AGBL4: variants seen among roughly 807,000 people sequenced by gnomAD.
AGBL4 encodes the protein AGBL carboxypeptidase 4, also known as cytosolic carboxypeptidase 6.
In AGBL4, 58 loss-of-function variants were observed where a neutral mutation model predicts 66.4. The ratio of observed to expected loss-of-function variants is 0.87; its 90% confidence interval spans 0.71 to 1.09. AGBL4 has a LOEUF of 1.09. AGBL4 is among the 50% of genes least tolerant of loss of function. The pLI, the probability that AGBL4 is intolerant of heterozygous loss-of-function variation, is 0.00. For synonymous variants in AGBL4, 234 were observed against 222.9 expected, an observed-to-expected ratio of 1.05 and a Z score of -0.44; for missense variants, 579 against 631.0, an observed-to-expected ratio of 0.92 and a Z score of 0.88.
Position 48,831,681 on chromosome 1 carries a change from G to A in AGBL4, c.634+35510C>T, listed in dbSNP as rs144186664. Among the ~76,000 whole-genome samples, 297 of 152,294 alleles carry A rather than the reference G, an allele frequency of 2.0e-3. 2 individuals are homozygous for A. Among genetic ancestry groups the A allele is most frequent in the African/African-American group, 6.7e-3 (280 of 41,552 alleles). ...TGGGATAGCTGAATTAACTTGAAAGGGCATTTGTGGATTGAGCAAGATTTT... is the reference window on the plus strand; with the variant it reads ...TGGGATAGCTGAATTAACTTGAAAGAGCATTTGTGGATTGAGCAAGATTTT... On this transcript the variant is annotated intron_variant, in intron 6 of 13. Transcript: ENST00000371839.
chr1:49,699,842 A>T (rs1302245966), intron 2 of AGBL4, among the ~76,000 whole-genome samples: 2 of 151,924 alleles, frequency 1.3e-5, no homozygotes, highest in Non-Finnish European at 2.9e-5. Context: ...ATTATAGTTA[A>T]TAATATTATA....
chr1:49,930,511 C>T (rs909054562), intron 1 of AGBL4, among the ~76,000 whole-genome samples: 1 of 152,010 alleles, frequency 6.6e-6, no homozygotes, highest in Non-Finnish European at 1.5e-5. Flanking sequence ...TATTCATGAA[C>T]ATATATGCAA....
intron 11 of AGBL4, among the ~76,000 whole-genome samples, chr1:48,555,543 A>G (rs1644308828): frequency 6.6e-6 from 1 of 152,226 alleles, no homozygotes; most frequent in Non-Finnish European, 1.5e-5. Flanking sequence ...AGGAAGCAAG[A>G]GAAAAATGCA....
intron 5 of AGBL4, among the ~76,000 whole-genome samples, chr1:48,944,969 C>T (rs1656337926): frequency 6.6e-6 from 1 of 152,162 alleles, no homozygotes; most frequent in Admixed American, 6.5e-5. Context: ...CTGATCCAAG[C>T]CATGTGGCTG....
intron 3 of AGBL4, among the ~76,000 whole-genome samples, chr1:49,407,083 A>AG (rs888898511): frequency 1.3e-5 from 2 of 150,802 alleles, no homozygotes; most frequent in African/African-American, 4.9e-5. Context: ...AAAAAAAAAA[A>AG]AAAAAAAAGA....
Position 48,692,930 on chromosome 1 carries a change from T to C in AGBL4, c.635-29689A>G, listed in dbSNP as rs536569898. Among the ~76,000 whole-genome samples, 7 of 152,338 alleles carry C rather than the reference T, an allele frequency of 4.6e-5. No individual in the cohort carries two copies. The East Asian group carries it at 1.3e-3, about 29-fold the overall frequency. On this transcript the variant is annotated intron_variant, in intron 6 of 13. Coordinates refer to ENST00000371839, the MANE Select transcript of AGBL4 (RefSeq NM_032785.4). ...TCTGCCAGGCACTGTTGTAGTTTCT[T>C]ACCTGGATTACTTCATATAATCTTC...
chr1:49,377,217 G>A (rs1644489253), intron 3 of AGBL4, among the ~76,000 whole-genome samples: 1 of 152,064 alleles, frequency 6.6e-6, no homozygotes, highest in South Asian at 2.1e-4. Context: ...ATTTAGAAAT[G>A]AGAGTGACAC....
intron 1 of AGBL4, among the ~76,000 whole-genome samples, chr1:50,005,270 C>T (rs1253935504): frequency 1.3e-5 from 2 of 152,168 alleles, no homozygotes; most frequent in Admixed American, 1.3e-4. Context: ...ACCCCTCCCT[C>T]AGCTCCAGGC....
chr1:49,904,725 A>T (rs1650093623), intron 1 of AGBL4, among the ~76,000 whole-genome samples: 1 of 152,180 alleles, frequency 6.6e-6, no homozygotes, highest in Non-Finnish European at 1.5e-5. Flanking sequence ...GATAAAACTG[A>T]TTTCTTACAG....
At chr1:49,417,716 G>A (rs528311628) in intron 3 of AGBL4, among the ~76,000 whole-genome samples, 2 of 152,168 alleles carry the variant, frequency 1.3e-5, no homozygotes, top group South Asian at 2.1e-4. Context: ...TCATTGGAAT[G>A]ATGTCTTTAG....
At chr1:49,848,803 T>A (rs1267591086) in intron 2 of AGBL4, among the ~76,000 whole-genome samples, 1 of 152,168 alleles carries the variant, frequency 6.6e-6, no homozygotes, top group East Asian at 1.9e-4. Context: ...CCCTTAAATT[T>A]ATTCAAATAA....
intron 3 of AGBL4, among the ~76,000 whole-genome samples, chr1:49,406,765 T>G (rs1645208553): frequency 6.6e-6 from 1 of 152,064 alleles, no homozygotes; most frequent in African/African-American, 2.4e-5. Context: ...ATATGATGTG[T>G]ATATATAAAA....
chr1:49,917,105 C>T (rs528436676), intron 1 of AGBL4, among the ~76,000 whole-genome samples: 2 of 152,154 alleles, frequency 1.3e-5, no homozygotes, highest in Non-Finnish European at 2.9e-5. Flanking sequence ...TGCAAAGGAA[C>T]AACCGGTACC....
At chr1:49,789,866 T>G (rs913753735) in intron 2 of AGBL4, among the ~76,000 whole-genome samples, 1 of 152,288 alleles carries the variant, frequency 6.6e-6, no homozygotes, top group African/African-American at 2.4e-5. Flanking sequence ...AGAGCCCGTA[T>G]AGCCAAGACA....
intron 5 of AGBL4, among the ~76,000 whole-genome samples, chr1:48,879,113 A>G (rs1211741206): frequency 6.6e-6 from 1 of 152,170 alleles, no homozygotes. Context: ...TCTTTGCCAA[A>G]TAAAAGCAAT....
intron 1 of AGBL4, among the ~76,000 whole-genome samples, chr1:49,973,463 A>C (rs1658303003): frequency 6.6e-6 from 1 of 152,046 alleles, no homozygotes; most frequent in Non-Finnish European, 1.5e-5. Context: ...GATCACTTCC[A>C]TAATTGCAGA....
chr1:49,534,717 G>A (rs1422230629), intron 3 of AGBL4, among the ~76,000 whole-genome samples: 1 of 152,196 alleles, frequency 6.6e-6, no homozygotes, highest in Non-Finnish European at 1.5e-5. Flanking sequence ...TCTTGCAAGG[G>A]TTTATGAAGC....
In AGBL4 at chr1:49,714,569, C is replaced by CATATATATATATAT. The variant is rs60965691; in HGVS notation, c.158-17146_158-17133dup. Among the ~76,000 whole-genome samples, 880 of 141,770 alleles carry CATATATATATATAT rather than the reference C, an allele frequency of 6.2e-3. 9 individuals carry two copies. Among genetic ancestry groups the CATATATATATATAT allele is most frequent in the African/African-American group, 0.02 (753 of 36,938 alleles). The allele number at this position is 141,770 out of a possible 152,430, so 93.0% of individuals were successfully genotyped here. ...GTTTGTTATAGTTGAGTAGTATTTA[C>CATATATATATATAT]ATATATATATATATATATATATATA... On this transcript the variant is annotated intron_variant, in intron 2 of 13. Transcript: ENST00000371839.
At chr1:48,749,393 G>T (rs1651297317) in intron 6 of AGBL4, among the ~76,000 whole-genome samples, 1 of 152,138 alleles carries the variant, frequency 6.6e-6, no homozygotes, top group Non-Finnish European at 1.5e-5. Flanking sequence ...CACGTGTTTA[G>T]CGAAAGAAGT....
Sources: allele counts gnomAD v4.1 joint callset (sites outside exome capture counted in the v4.1 genomes callset), GRCh38; gene constraint gnomAD v4.1.1; transcripts MANE v1.5; gene names NCBI Gene and HGNC (gene_info 2026-07-23, HGNC 2026-07-21).